Variants in CRIPTO observed in about 807,000 individuals in gnomAD.
CRIPTO encodes protein Cripto.
At chr3:46,579,207 T>C in the CRIPTO span, 1 of 1,614,214 alleles carries the variant, frequency 6.2e-7, no homozygotes. Flanking sequence ...AAATACAGAC[T>C]CCATGAATTG....
the CRIPTO span, chr3:46,579,721 T>C: frequency 1.2e-6 from 2 of 1,611,982 alleles, no homozygotes; most frequent in Non-Finnish European, 1.7e-6. Flanking sequence ...CCCTCAGTCA[T>C]CTGTTCTTAC....
chr3:46,580,112 T>G, the CRIPTO span: 1 of 1,613,122 alleles, frequency 6.2e-7, no homozygotes, highest in Non-Finnish European at 8.5e-7. Flanking sequence ...CGTAGTTGCC[T>G]TGGGGGGTGC....
At chr3:46,577,254 C>T in the CRIPTO span, 1 of 152,382 alleles carries the variant, frequency 6.6e-6, no homozygotes, top group South Asian at 2.1e-4. Context: ...CAGTTTCAAG[C>T]TTCCTAGTCT....
chr3:46,576,618 C>A, the CRIPTO span, among the ~76,000 whole-genome samples: 8 of 151,912 alleles, frequency 5.3e-5, no homozygotes, highest in Middle Eastern at 3.4e-3. Context: ...TTCTTTCTGC[C>A]GAGGCCTAAA....
the CRIPTO span, chr3:46,579,808 C>A: frequency 6.2e-7 from 1 of 1,613,744 alleles, no homozygotes; most frequent in African/African-American, 1.3e-5. Flanking sequence ...TGTGCCTGCC[C>A]TCCCTCCTTC....
chr3:46,580,880 TTTGA>T, the CRIPTO span, among the ~76,000 whole-genome samples: 2 of 152,098 alleles, frequency 1.3e-5, no homozygotes, highest in Non-Finnish European at 2.9e-5. Context: ...AGGATAGGTG[TTTGA>T]TAAGTGTGGG....
At chr3:46,576,686 C>T in the CRIPTO span, among the ~76,000 whole-genome samples, 7 of 152,022 alleles carry the variant, frequency 4.6e-5, no homozygotes, top group African/African-American at 1.5e-4. Context: ...CATTTGTGTG[C>T]CTGGCAACAT....
At chr3:46,575,886 T>C in the CRIPTO span, among the ~76,000 whole-genome samples, 1 of 151,280 alleles carries the variant, frequency 6.6e-6, no homozygotes, top group Non-Finnish European at 1.5e-5. Context: ...TGTACCACAC[T>C]GAGTAACATC....
the CRIPTO span, among the ~76,000 whole-genome samples, chr3:46,578,435 C>A: frequency 1.3e-5 from 2 of 151,596 alleles, no homozygotes; most frequent in Non-Finnish European, 2.9e-5. Flanking sequence ...AATAGTTTGG[C>A]CGGGTGCGGT....
chr3:46,579,830 CTG>C, the CRIPTO span: 1 of 1,614,040 alleles, frequency 6.2e-7, no homozygotes, highest in African/African-American at 1.3e-5. Flanking sequence ...ACGGACGGAA[CTG>C]TGAGCACGAT....
chr3:46,579,815 C>T, the CRIPTO span: 1 of 1,613,924 alleles, frequency 6.2e-7, no homozygotes, highest in Non-Finnish European at 8.5e-7. Flanking sequence ...GCCCTCCCTC[C>T]TTCTACGGAC....
chr3:46,580,034 T>C, the CRIPTO span: 1 of 1,614,262 alleles, frequency 6.2e-7, no homozygotes, highest in Non-Finnish European at 8.5e-7. Flanking sequence ...CTCCGCTGCT[T>C]TCCTCAGGCA....
At chr3:46,575,232 C>A in the CRIPTO span, among the ~76,000 whole-genome samples, 1 of 152,246 alleles carries the variant, frequency 6.6e-6, no homozygotes, top group Non-Finnish European at 1.5e-5. Flanking sequence ...ACTGTTCTTT[C>A]TCTCCAGCCT....
the CRIPTO span, among the ~76,000 whole-genome samples, chr3:46,576,471 A>G: frequency 9.5e-6 from 1 of 105,118 alleles, no homozygotes; most frequent in African/African-American, 4.1e-5. Flanking sequence ...ACAGAGGGAG[A>G]CTCTGTCGCA....
the CRIPTO span, chr3:46,579,075 G>A: frequency 6.2e-7 from 1 of 1,614,112 alleles, no homozygotes; most frequent in Non-Finnish European, 8.5e-7. Flanking sequence ...GCTAACTCAT[G>A]TCTGACTTCC....
the CRIPTO span, among the ~76,000 whole-genome samples, chr3:46,575,588 G>A: frequency 2.0e-5 from 3 of 152,120 alleles, no homozygotes; most frequent in African/African-American, 7.2e-5. Flanking sequence ...TGACAACATC[G>A]CCAGACTGGA....
At chr3:46,575,830 G>A in the CRIPTO span, among the ~76,000 whole-genome samples, 1 of 152,148 alleles carries the variant, frequency 6.6e-6, no homozygotes, top group East Asian at 1.9e-4. Context: ...TATCTACTTA[G>A]CACCTTGGAC....
At chr3:46,576,324 C>T in the CRIPTO span, among the ~76,000 whole-genome samples, 2 of 151,702 alleles carry the variant, frequency 1.3e-5, no homozygotes, top group Admixed American at 6.6e-5. Context: ...AAAAATTAGC[C>T]GGGCGTTGTG....
chr3:46,582,002 C>T, the CRIPTO span: 1 of 152,172 alleles, frequency 6.6e-6, no homozygotes, highest in African/African-American at 2.4e-5. Flanking sequence ...GGGGAGGAAC[C>T]AGAGTGCTGA....
Sources: gnomAD v4.1 joint callset for allele counts (sites outside exome capture counted in the v4.1 genomes callset) on GRCh38, gnomAD v4.1.1 for gene constraint, MANE v1.5 for transcripts, NCBI Gene and HGNC (gene_info 2026-07-23, HGNC 2026-07-21) for gene names.